Variants in PRPF18 observed in about 807,000 individuals in gnomAD.
The protein encoded by PRPF18 is pre-mRNA processing factor 18.
Under a neutral mutation model 46.5 loss-of-function variants are expected in PRPF18, and 38 were observed. That is an observed-to-expected ratio of 0.82 (90% CI 0.63 to 1.07). The LOEUF is 1.07. Ranked by LOEUF, PRPF18 falls within the 50% of genes least tolerant of loss-of-function variation. The probability of loss-of-function intolerance (pLI) is 0.00; values close to 1 mark genes in which losing one functional copy is unlikely to be tolerated. For missense variants in PRPF18, 263 were observed against 410.0 expected (o/e 0.64, Z 3.10); for synonymous variants, 152 against 146.7 (o/e 1.04, Z -0.26).
chr10:13,632,677 G>A (rs866181685), downstream of PRPF18: 1 of 152,164 alleles, frequency 6.6e-6, no homozygotes, highest in East Asian at 1.9e-4. Flanking sequence ...GTGACCATTC[G>A]AGGGAAGCAC....
At chr10:13,633,902 T>C (rs137926096), downstream of PRPF18, among the ~76,000 whole-genome samples, 9 of 152,278 alleles carry the variant, frequency 5.9e-5, no homozygotes, top group Middle Eastern at 3.4e-3. Context: ...CCCCAGAGGG[T>C]TGCTATGGGA....
intron 9 of PRPF18, 30 bp from the exon 10 acceptor site, chr10:13,630,230 A>G: frequency 6.5e-7 from 1 of 1,544,028 alleles, no homozygotes; most frequent in South Asian, 1.1e-5. Context: ...ACCATGTCAT[A>G]ACCAACCTTT....
At chr10:13,615,391 G>C (rs2080324749) in intron 8 of PRPF18, among the ~76,000 whole-genome samples, 1 of 152,178 alleles carries the variant, frequency 6.6e-6, no homozygotes, top group Non-Finnish European at 1.5e-5. Flanking sequence ...GTTTTTATCA[G>C]TTAAGATCCA....
chr10:13,651,785 A>G, the PRPF18 span: 1 of 682,424 alleles, frequency 1.5e-6, no homozygotes, highest in Non-Finnish European at 2.7e-6. Flanking sequence ...TGTATCTAGA[A>G]ATAAGGCATA....
intron 6 of PRPF18, among the ~76,000 whole-genome samples, chr10:13,612,080 A>G (rs1025569812): frequency 6.6e-6 from 1 of 152,002 alleles, no homozygotes; most frequent in South Asian, 2.1e-4. Context: ...GGGTTTCACC[A>G]TGTTGGCCAC....
At chr10:13,606,595 C>T (rs2080187704) in intron 4 of PRPF18, among the ~76,000 whole-genome samples, 3 of 151,936 alleles carry the variant, frequency 2.0e-5, no homozygotes, top group African/African-American at 7.3e-5. Flanking sequence ...ATTAGCTGGG[C>T]GTAGTGGCGT....
the PRPF18 span, chr10:13,651,818 T>G: frequency 3.9e-6 from 3 of 776,126 alleles, no homozygotes; most frequent in Non-Finnish European, 4.8e-6. Context: ...AGATGTATCC[T>G]TGTGGAAATG....
At chr10:13,652,637 T>G in the PRPF18 span, 3 of 152,524 alleles carry the variant, frequency 2.0e-5, no homozygotes, top group African/African-American at 7.2e-5. Context: ...GGGCAGCTAC[T>G]GTCCAACAGA....
chr10:13,643,354 A>T, the PRPF18 span: 7 of 152,358 alleles, frequency 4.6e-5, no homozygotes, highest in African/African-American at 1.7e-4. Context: ...GGCACATATT[A>T]CACACAGGGA....
chr10:13,614,219 A>C, intron 8 of PRPF18, 133 bp downstream of exon 8: 3 of 704,094 alleles, frequency 4.3e-6, no homozygotes, highest in African/African-American at 1.8e-5. Flanking sequence ...TAGTAGTAAA[A>C]AGCGTTTTAT....
At chr10:13,640,443 C>G in the PRPF18 span, 2 of 152,234 alleles carry the variant, frequency 1.3e-5, no homozygotes, top group South Asian at 4.1e-4. Flanking sequence ...GGATTTTTCA[C>G]TAGCTTTCCT....
chr10:13,637,635 C>T, the PRPF18 span, among the ~76,000 whole-genome samples: 1 of 152,102 alleles, frequency 6.6e-6, no homozygotes, highest in Non-Finnish European at 1.5e-5. Context: ...GCCAGGTTAC[C>T]TTTTATGCAT....
chr10:13,611,605 T>C lies in PRPF18; in HGVS notation c.511-10T>C. ...ATTAATGAACAGAAGCATTGTTTCT[T>C]TTTCTTCAGGCGCTTGGAGAGTCCT... On this transcript the variant is annotated splice_polypyrimidine_tract_variant and intron_variant, in intron 5 of 9. Coordinates refer to ENST00000378572, the MANE Select transcript of PRPF18 (RefSeq NM_003675.4). 1.2e-6 allele frequency: 2 copies of C among 1,612,482 alleles called. No individual in the cohort carries two copies. The highest frequency in any genetic ancestry group is 1.7e-6 in the Non-Finnish European group (2 of 1,178,672).
intron 1 of PRPF18, among the ~76,000 whole-genome samples, chr10:13,588,025 A>G (rs1192153091): frequency 1.3e-5 from 2 of 151,184 alleles, no homozygotes. Flanking sequence ...ACTGCCCCCT[A>G]TCCCCGCTCC....
chr10:13,614,053 T>C lies in PRPF18; in HGVS notation c.759T>C (p.Ile253=). ...PADIKESITD[I]IKFMLQREYV... is the part of the protein sequence containing the mutation. ...ATATTAAAGAATCAATAACGGATAT[T>C]ATTAAATTCATGTTGCAGAGAGAAT... The change falls in exon 8 of 10, where the codon ATT becomes ATC. Residue 253 remains isoleucine (I), a synonymous_variant. Coordinates refer to ENST00000378572, the MANE Select transcript of PRPF18 (RefSeq NM_003675.4). 3 of 1,589,036 alleles carry C rather than the reference T, an allele frequency of 1.9e-6. No homozygotes were observed. The highest frequency in any genetic ancestry group is 2.6e-6 in the Non-Finnish European group (3 of 1,166,704).
intron 9 of PRPF18, among the ~76,000 whole-genome samples, chr10:13,623,398 A>G (rs2080449218): frequency 6.6e-6 from 1 of 152,234 alleles, no homozygotes; most frequent in South Asian, 2.1e-4. Flanking sequence ...ATATTAATGC[A>G]TTATTATGTT....
At chr10:13,619,293 T>C (rs1202369118) in intron 9 of PRPF18, among the ~76,000 whole-genome samples, 1 of 152,252 alleles carries the variant, frequency 6.6e-6, no homozygotes, top group Admixed American at 6.5e-5. Flanking sequence ...TTTATACAAT[T>C]GGACAGATTT....
chr10:13,643,766 G>A, the PRPF18 span: 85,438 of 152,516 alleles, frequency 0.56, 24,321 homozygotes, highest in East Asian at 0.79. Flanking sequence ...AAATGTAAAG[G>A]TACTATACAA....
At chr10:13,634,571 G>A (rs969640420), downstream of PRPF18, among the ~76,000 whole-genome samples, 3 of 152,240 alleles carry the variant, frequency 2.0e-5, no homozygotes, top group Admixed American at 1.3e-4. Flanking sequence ...GGAACCATGA[G>A]CGTTGCAGTC....
Sources: allele counts gnomAD v4.1 joint callset (sites outside exome capture counted in the v4.1 genomes callset), GRCh38; gene constraint gnomAD v4.1.1; transcripts MANE v1.5; gene names NCBI Gene and HGNC (gene_info 2026-07-23, HGNC 2026-07-21).